DOCK3: variants seen among roughly 807,000 people sequenced by gnomAD.
DOCK3 encodes the protein dedicator of cytokinesis 3.
Under a neutral mutation model 265.6 loss-of-function variants are expected in DOCK3, and 60 were observed. The ratio of observed to expected loss-of-function variants is 0.23; its 90% CI spans 0.18 to 0.28. The LOEUF (loss-of-function observed/expected upper bound fraction) is 0.28, where lower values mean the gene tolerates loss of function less well. Ranked by LOEUF, DOCK3 falls within the 10% of genes least tolerant of loss-of-function variation. DOCK3 has a pLI of 1.00. For missense variants in DOCK3, 1,981 were observed against 2,594.3 expected (o/e 0.76, Z 5.14); for synonymous variants, 881 against 938.0 (o/e 0.94, Z 1.11).
chr3:50,765,113 G>A (rs2040791640), intron 1 of DOCK3, among the ~76,000 whole-genome samples: 2 of 117,524 alleles, frequency 1.7e-5, no homozygotes, highest in Admixed American at 1.2e-4. Flanking sequence ...ACAGAGTCTC[G>A]CTTTGTCGCC....
At chr3:51,184,214 G>C (rs765490292) in intron 12 of DOCK3, among the ~76,000 whole-genome samples, 32 of 152,026 alleles carry the variant, frequency 2.1e-4, no homozygotes, top group Non-Finnish European at 4.0e-4. Context: ...AGGAGGCTGA[G>C]GCAGGAGAAT....
At position 50,797,755 on chromosome 3, in the gene DOCK3, T is replaced by C. The variant is rs570277270; in HGVS notation, c.121+18997T>C. 2.0e-5 allele frequency among the ~76,000 whole-genome samples: 3 copies of C among 152,352 alleles called. No individual in the cohort carries two copies. In the East Asian group the frequency reaches 5.8e-4, roughly 29 times the overall value. ...ATGATACCTCATTGTTGGTTTTGTT[T>C]GCAATTCTGTGATGATTAATGATGT... On this transcript the variant is annotated intron_variant, in intron 2 of 52. Coordinates refer to ENST00000266037, the MANE Select transcript of DOCK3 (RefSeq NM_004947.5).
intron 5 of DOCK3, among the ~76,000 whole-genome samples, chr3:51,013,629 G>A (rs536968988): frequency 6.6e-6 from 1 of 152,282 alleles, no homozygotes; most frequent in South Asian, 2.1e-4. Flanking sequence ...TGGCGGTCAG[G>A]GACCAACTTG....
intron 35 of DOCK3, among the ~76,000 whole-genome samples, chr3:51,337,931 G>T (rs564589576): frequency 1.3e-5 from 2 of 152,190 alleles, no homozygotes; most frequent in Non-Finnish European, 2.9e-5. Flanking sequence ...GAGCCCTGAA[G>T]CTAGGGCCCT....
intron 1 of DOCK3, among the ~76,000 whole-genome samples, chr3:50,693,285 G>C (rs2107753687): frequency 6.6e-6 from 1 of 152,240 alleles, no homozygotes; most frequent in African/African-American, 2.4e-5. Flanking sequence ...GATTTTGGTA[G>C]GGACTGAATT....
At position 50,930,647 on chromosome 3, in the gene DOCK3, C is replaced by T. The variant is rs547452657; in HGVS notation, c.219-3334C>T. 6.6e-5 allele frequency among the ~76,000 whole-genome samples: 10 copies of T among 152,342 alleles called. No individual in the cohort carries two copies. The East Asian group carries it at 1.9e-3, about 29-fold the overall frequency. ...GCTCAGGGGCAGCGCAGAGCTCCCC[C>T]TCACCTGGCTTGGGGCCCTGCCCAG... On this transcript the variant is annotated intron_variant, in intron 4 of 52. Transcript: ENST00000266037.
chr3:51,375,897 T>A (rs958600336), intron 51 of DOCK3, 62 bp downstream of exon 51: 2 of 1,569,654 alleles, frequency 1.3e-6, no homozygotes, highest in East Asian at 4.5e-5. Flanking sequence ...CTGACTCTTG[T>A]CCCTGAGTAC....
chr3:51,016,676 T>TTTATATATAATATAATATATAAATATATA (rs2079292275), intron 5 of DOCK3, among the ~76,000 whole-genome samples: 3 of 33,166 alleles, frequency 9.0e-5, no homozygotes, highest in Non-Finnish European at 1.2e-4. Context: ...ATGATATATA[T>TTTATATATAATATAATATATAAATATATA]TTATATATCA....
At chr3:51,287,217 A>G (rs1445598981) in intron 27 of DOCK3, among the ~76,000 whole-genome samples, 1 of 152,224 alleles carries the variant, frequency 6.6e-6, no homozygotes, top group Non-Finnish European at 1.5e-5. Context: ...GTTCAACATC[A>G]CTAATCACTG....
At chr3:50,720,761 C>A (rs745587671) in intron 1 of DOCK3, among the ~76,000 whole-genome samples, 6 of 152,124 alleles carry the variant, frequency 3.9e-5, no homozygotes, top group Non-Finnish European at 8.8e-5. Flanking sequence ...GTTTTAAGTT[C>A]TTTGAGAAAT....
intron 1 of DOCK3, among the ~76,000 whole-genome samples, chr3:50,693,562 G>A (rs1407326372): frequency 9.2e-6 from 1 of 108,260 alleles, no homozygotes; most frequent in African/African-American, 3.6e-5. Flanking sequence ...TTAAGACAGA[G>A]TCTCACTCTG....
intron 5 of DOCK3, among the ~76,000 whole-genome samples, chr3:51,019,220 G>T (rs905461905): frequency 1.7e-4 from 26 of 151,768 alleles, no homozygotes; most frequent in Non-Finnish European, 2.8e-4. Flanking sequence ...TTCATGACTG[G>T]ATTACCACTT....
intron 12 of DOCK3, among the ~76,000 whole-genome samples, chr3:51,188,451 A>G (rs897223156): frequency 6.6e-6 from 1 of 152,174 alleles, no homozygotes; most frequent in Non-Finnish European, 1.5e-5. Flanking sequence ...AAGTCAGGGT[A>G]TTTAGGGTGT....
At chr3:50,787,180 T>G in intron 2 of DOCK3, 1 of 636,404 alleles carries the variant, frequency 1.6e-6, no homozygotes, top group Non-Finnish European at 2.9e-6. Context: ...AGGACAAACT[T>G]ATTGCCACAT....
intron 3 of DOCK3, among the ~76,000 whole-genome samples, chr3:50,861,776 G>C (rs1481609197): frequency 8.8e-6 from 1 of 114,250 alleles, no homozygotes; most frequent in Non-Finnish European, 1.8e-5. Context: ...TTTTTGCTTT[G>C]CATTTGTGTG....
intron 4 of DOCK3, among the ~76,000 whole-genome samples, chr3:50,897,415 T>C (rs1364659680): frequency 6.6e-6 from 1 of 152,224 alleles, no homozygotes; most frequent in Non-Finnish European, 1.5e-5. Flanking sequence ...TATACAATCA[T>C]GTCATCTGCA....
At position 51,382,601 on chromosome 3, in the gene DOCK3, A is replaced by G. The variant is rs2088721666; in HGVS notation, c.*1042A>G. The G allele has an allele frequency of 6.6e-6, 1 of 152,642 alleles. No homozygotes were observed. The highest frequency in any genetic ancestry group is 2.4e-5 in the African/African-American group (1 of 41,454). The allele number at this position is 152,642 out of a possible 1,614,324, so 9.5% of individuals were successfully genotyped here. ...AGCCAGGCTTCCAGGCCCTGAGGACATGTGGTCAGGTTCAGCAGGCTCCTG... is the reference window on the plus strand; with the variant it reads ...AGCCAGGCTTCCAGGCCCTGAGGACGTGTGGTCAGGTTCAGCAGGCTCCTG... On this transcript the variant is annotated 3_prime_UTR_variant, in exon 53 of 53. Transcript: ENST00000266037.
At chr3:51,028,332 C>A (rs549185298) in intron 5 of DOCK3, among the ~76,000 whole-genome samples, 80 of 152,086 alleles carry the variant, frequency 5.3e-4, no homozygotes, top group Non-Finnish European at 8.2e-4. Context: ...ATAATTTAGC[C>A]CTTTTTTCTA....
intron 1 of DOCK3, among the ~76,000 whole-genome samples, chr3:50,696,896 A>C (rs2035659845): frequency 6.6e-6 from 1 of 150,892 alleles, no homozygotes; most frequent in South Asian, 2.1e-4. Context: ...CCTACCTTTA[A>C]AGCTCCTGAT....
Sources: allele counts gnomAD v4.1 joint callset (sites outside exome capture counted in the v4.1 genomes callset), GRCh38; gene constraint gnomAD v4.1.1; transcripts MANE v1.5; gene names NCBI Gene and HGNC (gene_info 2026-07-23, HGNC 2026-07-21).